Variants in TAB2 observed in about 807,000 individuals in gnomAD.
The protein encoded by TAB2 is TGF-beta activated kinase 1 (MAP3K7) binding protein 2, also known as TGF-beta-activated kinase 1 and MAP3K7-binding protein 2.
A neutral mutation model predicts 65.0 loss-of-function variants in TAB2; 3 were observed. That is an observed-to-expected ratio of 0.05 (90% CI 0.02 to 0.12). The LOEUF (loss-of-function observed/expected upper bound fraction) is 0.12. Ranked by LOEUF, TAB2 falls within the 10% of genes least tolerant of loss-of-function variation. The pLI is 1.00. For missense variants in TAB2, 623 were observed against 840.3 expected, an observed-to-expected ratio of 0.74 and a Z score of 3.20; for synonymous variants, 298 against 285.1, an observed-to-expected ratio of 1.05 and a Z score of -0.46.
chr6:149,343,012 A>T (rs1780177543), intron 1 of TAB2, among the ~76,000 whole-genome samples: 1 of 152,206 alleles, frequency 6.6e-6, no homozygotes, highest in Non-Finnish European at 1.5e-5. Context: ...TTGCCTGAAT[A>T]TTTCTAATTT....
At chr6:149,403,454 G>A (rs898779285) in intron 6 of TAB2, among the ~76,000 whole-genome samples, 5 of 150,094 alleles carry the variant, frequency 3.3e-5, no homozygotes, top group African/African-American at 9.8e-5. Context: ...GGAGAAAACC[G>A]AAAGCTTTCC....
chr6:149,401,380 A>G (rs768860556), intron 6 of TAB2: 1 of 159,910 alleles, frequency 6.3e-6, no homozygotes, highest in Non-Finnish European at 1.5e-5. Context: ...AAAAGATTTT[A>G]TATAAATGGT....
At chr6:149,287,389 G>A (rs1395950446) in intron 1 of TAB2, among the ~76,000 whole-genome samples, 1 of 151,664 alleles carries the variant, frequency 6.6e-6, no homozygotes, top group East Asian at 1.9e-4. Context: ...GCCCGAACTA[G>A]AAATGCTCCC....
chr6:149,404,597 G>A (rs572210214), intron 6 of TAB2, among the ~76,000 whole-genome samples: 1 of 152,146 alleles, frequency 6.6e-6, no homozygotes, highest in South Asian at 2.1e-4. Context: ...TTGACCAATG[G>A]AACAGAATAG....
intron 3 of TAB2, 102 bp downstream of exon 3, chr6:149,379,620 TTAAA>T: frequency 9.1e-7 from 1 of 1,097,990 alleles, no homozygotes; most frequent in South Asian, 1.3e-5. Flanking sequence ...ATTTCATTGT[TTAAA>T]TATTGCCCCA....
At chr6:149,253,041 T>A (rs1247500114) in intron 1 of TAB2, 1 of 152,216 alleles carries the variant, frequency 6.6e-6, no homozygotes, top group African/African-American at 2.4e-5. Flanking sequence ...ACTGTTGGGA[T>A]TTTCTCATTG....
At chr6:149,403,247 AATATATATATATATATAT>A (rs71010865) in intron 6 of TAB2, among the ~76,000 whole-genome samples, 14 of 44,044 alleles carry the variant, frequency 3.2e-4, no homozygotes, top group South Asian at 2.1e-3. Context: ...AAAAAAAAAA[AATATATATATATATATAT>A]ATATATATAT....
rs201097254 is a variant in TAB2, at chr6:149,379,067, A to T, written c.1152A>T (p.Gln384His). 6.2e-7 allele frequency: 1 copy of T among 1,614,182 alleles called. No individual in the cohort carries two copies. The highest frequency in any genetic ancestry group is 1.7e-5 in the Admixed American group (1 of 60,026). The change falls in exon 3 of 7, where the codon CAA becomes CAT. Residue 384 changes from glutamine (Q) to histidine (H), a missense_variant. This residue lies in a region of TAB2 where 550 missense variants were observed against 665.7 expected (regional missense o/e 0.83). Transcript: ENST00000637181. ...PNTDELMSRS[Q>H]PKVYISANAA... ...CGGATGAGCTGATGTCCCGTAGTCA[A>T]CCTAAGGTCTATATTTCAGCGAATG...
chr6:149,399,289 G>T (rs1782285107), intron 6 of TAB2, 105 bp downstream of exon 6: 4 of 823,818 alleles, frequency 4.9e-6, no homozygotes, highest in Non-Finnish European at 8.2e-6. Flanking sequence ...TTCAAACTTT[G>T]GCATTCTTAA....
intron 1 of TAB2, among the ~76,000 whole-genome samples, chr6:149,270,177 T>C (rs1232126606): frequency 6.6e-6 from 1 of 152,218 alleles, no homozygotes; most frequent in Non-Finnish European, 1.5e-5. Context: ...TGATTTGCAT[T>C]TCCCTAATTA....
chr6:149,402,110 A>C (rs921134973), intron 6 of TAB2, among the ~76,000 whole-genome samples: 41 of 152,168 alleles, frequency 2.7e-4, no homozygotes, highest in African/African-American at 9.6e-4. Flanking sequence ...GAGCAAAAAT[A>C]GAGAATTTAG....
chr6:149,344,215 T>C (rs1780217607), intron 1 of TAB2, among the ~76,000 whole-genome samples: 1 of 152,216 alleles, frequency 6.6e-6, no homozygotes, highest in Non-Finnish European at 1.5e-5. Flanking sequence ...AAGAAGGAAT[T>C]ACATATGAAT....
intron 3 of TAB2, chr6:149,379,809 A>T: frequency 9.0e-6 from 4 of 443,426 alleles, no homozygotes; most frequent in East Asian, 6.8e-5. Context: ...AGTTAATCTT[A>T]TACCTGTGGT....
intron 6 of TAB2, chr6:149,400,300 C>A: frequency 7.0e-7 from 1 of 1,423,508 alleles, no homozygotes; most frequent in Non-Finnish European, 9.6e-7. Context: ...GCTGTCACCT[C>A]CTGCTGCTCT....
At chr6:149,351,524 T>C (rs1780490070) in intron 1 of TAB2, among the ~76,000 whole-genome samples, 1 of 152,242 alleles carries the variant, frequency 6.6e-6, no homozygotes, top group Non-Finnish European at 1.5e-5. Flanking sequence ...AATGAAATGA[T>C]AGTATTGATA....
chr6:149,381,106 G>C (rs564731549), intron 3 of TAB2, among the ~76,000 whole-genome samples: 2 of 152,300 alleles, frequency 1.3e-5, no homozygotes, highest in East Asian at 3.9e-4. Flanking sequence ...CAAAAATAAA[G>C]TACGCAGGGC....
intron 1 of TAB2, among the ~76,000 whole-genome samples, chr6:149,310,327 C>T (rs1779146863): frequency 6.6e-6 from 1 of 151,772 alleles, no homozygotes; most frequent in African/African-American, 2.4e-5. Flanking sequence ...AGAGTGAGAC[C>T]CCATCTCAAA....
Position 149,409,731 on chromosome 6 carries a change from C to T in TAB2, c.*12C>T, listed in dbSNP as rs766332226. On this transcript the variant is annotated 3_prime_UTR_variant, in exon 7 of 7. Transcript: ENST00000637181. The stretch of plus-strand genomic sequence containing the variant: ...CAAGGCATTTCTGAGCCAAATGGCC[C>T]TGTATCTTCTCTAAAACCACATCTA... 2.7e-5 allele frequency: 44 copies of T among 1,613,846 alleles called. No individual in the cohort carries two copies. The highest frequency in any genetic ancestry group is 1.1e-4 in the East Asian group (5 of 44,890).
chr6:149,227,356 A>T (rs536434682), intron 1 of TAB2, among the ~76,000 whole-genome samples: 1 of 152,272 alleles, frequency 6.6e-6, no homozygotes, highest in Admixed American at 6.5e-5. Flanking sequence ...TGAAAATATT[A>T]AAAAATGAGT....
Sources: gnomAD v4.1 joint callset for allele counts (sites outside exome capture counted in the v4.1 genomes callset) on GRCh38, gnomAD v4.1.1 for gene constraint, gnomAD v4.1.1 regional missense constraint, MANE v1.5 for transcripts, NCBI Gene and HGNC (gene_info 2026-07-23, HGNC 2026-07-21) for gene names.